The following DOCK3 variants were observed in gnomAD, a reference collection of about 807,000 sequenced individuals.
DOCK3 encodes the protein dedicator of cytokinesis protein 3.
DOCK3 carries 60 observed loss-of-function variants against 265.6 expected under a neutral mutation model. The ratio of observed to expected loss-of-function variants is 0.23; its 90% CI spans 0.18 to 0.28. DOCK3 has a LOEUF of 0.28. Among genes scored for constraint, DOCK3 ranks in the 10% least tolerant of loss-of-function variants. The pLI is 1.00. For missense variants in DOCK3, 1,981 were observed against 2,594.3 expected (o/e 0.76, Z 5.14); for synonymous variants, 881 against 938.0 (o/e 0.94, Z 1.11).
intron 5 of DOCK3, among the ~76,000 whole-genome samples, chr3:51,058,879 TA>T (rs1362742350): frequency 1.3e-5 from 2 of 152,130 alleles, no homozygotes; most frequent in African/African-American, 4.8e-5. Context: ...TGTGGGTGTA[TA>T]CATATATGTA....
chr3:51,104,901 A>G (rs1369811368), intron 9 of DOCK3, among the ~76,000 whole-genome samples: 1 of 152,110 alleles, frequency 6.6e-6, no homozygotes, highest in Middle Eastern at 3.2e-3. Context: ...TAATCCTCCA[A>G]CCCCAGCCTC....
chr3:51,280,187 A>G lies in DOCK3; in HGVS notation c.2905A>G (p.Ser969Gly). Reference sequence around the variant, plus strand: ...CCAGCACCTCCTGGACAACTTCCAGAGCAAAGATGAACTCAAGGTAGGCAG... The same window carrying G: ...CCAGCACCTCCTGGACAACTTCCAGGGCAAAGATGAACTCAAGGTAGGCAG... ...HFQHLLDNFQ[S>G]KDELKEFLLK... The change falls in exon 27 of 53, where the codon AGC becomes GGC. Residue 969 changes from serine to glycine, a missense_variant. Ser to Gly is a moderately conservative substitution (Grantham distance 56, BLOSUM62 0). This residue lies in a region of DOCK3 where 1,357 missense variants were observed against 1,866.8 expected (regional missense o/e 0.73). Transcript: ENST00000266037. 1 of 1,613,700 alleles carries G rather than the reference A, an allele frequency of 6.2e-7. No individual in the cohort carries two copies. The highest frequency in any genetic ancestry group is 8.5e-7 in the Non-Finnish European group (1 of 1,179,786).
rs187680690 is a variant in DOCK3, at chr3:50,678,870, C to T, written c.37+3570C>T. Among the ~76,000 whole-genome samples the T allele has an allele frequency of 2.9e-3, 443 of 152,044 alleles. 4 individuals carry two copies. The highest frequency in any genetic ancestry group is 0.01 in the African/African-American group (420 of 41,474). On this transcript the variant is annotated intron_variant, in intron 1 of 52. Transcript: ENST00000266037. Reference sequence around the variant, plus strand: ...TGTCGTCCAGGCTGGAGTGCAGTGGCGTGATCTCGGCTCACTGCAAGCTCT... The same window carrying T: ...TGTCGTCCAGGCTGGAGTGCAGTGGTGTGATCTCGGCTCACTGCAAGCTCT...
Position 50,778,747 on chromosome 3 carries a change from A to G in DOCK3, c.110A>G (p.Glu37Gly). ...LEIGETVQIL[E>G]KCEGWYRGVS... The stretch of plus-strand genomic sequence containing the variant: ...ATAGGAGAAACAGTCCAGATTCTTG[A>G]AAAATGTGAAGGTGAGTATGGACCT... The change falls in exon 2 of 53, where the codon GAA (glutamate) becomes GGA (glycine). Residue 37 changes from glutamate (E) to glycine (G), a missense_variant. Coordinates refer to ENST00000266037, the MANE Select transcript of DOCK3 (RefSeq NM_004947.5). The G allele has an allele frequency of 6.3e-7, 1 of 1,577,484 alleles. No homozygotes were observed. Among genetic ancestry groups the G allele is most frequent in the South Asian group, 1.2e-5 (1 of 85,746 alleles).
chr3:51,219,561 G>A (rs1050706790), intron 14 of DOCK3, among the ~76,000 whole-genome samples: 8 of 152,170 alleles, frequency 5.3e-5, no homozygotes, highest in Admixed American at 2.6e-4. Flanking sequence ...AGCTTAAGGT[G>A]TATAGATACA....
intron 6 of DOCK3, among the ~76,000 whole-genome samples, chr3:51,065,309 A>T (rs908123607): frequency 6.6e-6 from 1 of 152,166 alleles, no homozygotes; most frequent in Non-Finnish European, 1.5e-5. Context: ...TAAAATATAC[A>T]TATACCTTAA....
rs782423167 is a variant in DOCK3, at chr3:51,381,300, T to C, written c.5834T>C (p.Leu1945Pro). Residue 1945 changes from leucine to proline, a missense_variant, in exon 53 of 53, where the codon CTG becomes CCG. Transcript: ENST00000266037. This position sits in a 1 kb window ranked among gnomAD's most constrained non-coding sequence, Gnocchi z 5.6. ...VHYSLSESAV[L>P]DSIKAQPCRS... ...TACAGCCTCTCTGAGTCTGCCGTCC[T>C]GGACTCCATCAAGGCCCAGCCATGC... is the stretch of plus-strand genomic sequence containing the variant. The C allele has an allele frequency of 6.2e-7, 1 of 1,613,644 alleles. No individual in the cohort carries two copies. Among genetic ancestry groups the C allele is most frequent in the Non-Finnish European group, 8.5e-7 (1 of 1,179,866 alleles).
intron 3 of DOCK3, among the ~76,000 whole-genome samples, chr3:50,855,903 T>C (rs1206240970): frequency 6.6e-6 from 1 of 152,184 alleles, no homozygotes; most frequent in East Asian, 1.9e-4. Flanking sequence ...GTTCTTATCA[T>C]TCAGCTCCCA....
rs987078310 is a variant in DOCK3 at position 50,864,532 on chromosome 3, G to A, written c.162+22817G>A. Among the ~76,000 whole-genome samples, 5 of 152,136 alleles carry A rather than the reference G, an allele frequency of 3.3e-5. No individual in the cohort carries two copies. The South Asian group carries it at 1.0e-3, about 32-fold the overall frequency. On this transcript the variant is annotated intron_variant, in intron 3 of 52. Transcript: ENST00000266037. ...TTTTTGCTCAAACCAATGTCCTGTA[G>A]CATTTTTCTAATTTTGTTTTGTTTT... is the stretch of plus-strand genomic sequence containing the variant.
intron 2 of DOCK3, among the ~76,000 whole-genome samples, chr3:50,804,183 C>T (rs892462447): frequency 2.0e-5 from 3 of 150,750 alleles, no homozygotes; most frequent in African/African-American, 7.3e-5. Flanking sequence ...AGATGATGGG[C>T]GGCCGGGCAG....
intron 1 of DOCK3, among the ~76,000 whole-genome samples, chr3:50,775,265 G>A (rs979289400): frequency 6.6e-6 from 1 of 151,854 alleles, no homozygotes; most frequent in East Asian, 1.9e-4. Flanking sequence ...TCATTTGTGG[G>A]AAGTTTTTAA....
chr3:50,948,757 G>T (rs2076511853), intron 5 of DOCK3, among the ~76,000 whole-genome samples: 1 of 152,000 alleles, frequency 6.6e-6, no homozygotes, highest in Admixed American at 6.6e-5. Context: ...GGGATTACAG[G>T]CATGAGCCAC....
At chr3:51,330,295 G>C in intron 33 of DOCK3, 72 bp downstream of exon 33, 2 of 1,448,200 alleles carry the variant, frequency 1.4e-6, no homozygotes. Flanking sequence ...AGTAGAGGTT[G>C]CAACTGCACT....
chr3:51,160,493 A>T, intron 11 of DOCK3, 62 bp from the exon 12 acceptor site: 1 of 1,517,790 alleles, frequency 6.6e-7, no homozygotes, highest in East Asian at 2.3e-5. Context: ...GATGACAATT[A>T]GGTGATACTG....
At chr3:50,769,236 G>C (rs2041116556) in intron 1 of DOCK3, among the ~76,000 whole-genome samples, 1 of 151,324 alleles carries the variant, frequency 6.6e-6, no homozygotes, top group African/African-American at 2.4e-5. Context: ...ATCCTTTTTT[G>C]TTAAACATTT....
At chr3:51,048,884 C>T (rs2080880937) in intron 5 of DOCK3, among the ~76,000 whole-genome samples, 2 of 151,428 alleles carry the variant, frequency 1.3e-5, no homozygotes, top group South Asian at 4.2e-4. Context: ...ACAACTATGA[C>T]ATGCCATTAA....
At chr3:50,995,277 C>G (rs34705361) in intron 5 of DOCK3, among the ~76,000 whole-genome samples, 18 of 152,306 alleles carry the variant, frequency 1.2e-4, no homozygotes, top group Admixed American at 2.6e-4. Flanking sequence ...GAGTTGCCAG[C>G]TGTTAGTTTC....
At chr3:51,256,563 A>C (rs1019554410) in intron 22 of DOCK3, among the ~76,000 whole-genome samples, 1 of 145,296 alleles carries the variant, frequency 6.9e-6, no homozygotes, top group African/African-American at 2.6e-5. Flanking sequence ...GAGCCATCGC[A>C]CCCAGCGAAG....
At chr3:50,688,327 G>T (rs1261711220) in intron 1 of DOCK3, among the ~76,000 whole-genome samples, 1 of 152,192 alleles carries the variant, frequency 6.6e-6, no homozygotes, top group Admixed American at 6.5e-5. Context: ...TGGTCTCCAT[G>T]TGGTGAGACA....
Sources: gnomAD v4.1 joint callset for allele counts (sites outside exome capture counted in the v4.1 genomes callset) on GRCh38, gnomAD v4.1.1 for gene constraint, gnomAD v4.1.1 regional missense constraint, Gnocchi (gnomAD v3.1) non-coding constraint, MANE v1.5 for transcripts, NCBI Gene and HGNC (gene_info 2026-07-23, HGNC 2026-07-21) for gene names.